The following MYLK4 variants were observed in gnomAD, a reference collection of about 807,000 sequenced individuals.
MYLK4 encodes the protein caMLCK like.
A neutral mutation model predicts 48.1 loss-of-function variants in MYLK4; 46 were observed. That is an observed-to-expected ratio of 0.96 (90% CI 0.75 to 1.22). The LOEUF (loss-of-function observed/expected upper bound fraction) is 1.22, where lower values mean the gene tolerates loss of function less well. Among genes scored for constraint, MYLK4 ranks in the 50% most tolerant of loss-of-function variants. The probability of loss-of-function intolerance (pLI) is 0.00; values close to 1 mark genes in which losing one functional copy is unlikely to be tolerated. For missense variants in MYLK4, 451 were observed against 486.1 expected (o/e 0.93, Z 0.68); for synonymous variants, 170 against 180.8 (o/e 0.94, Z 0.48).
intron 2 of MYLK4, among the ~76,000 whole-genome samples, chr6:2,697,249 A>G (rs556997505): frequency 6.6e-6 from 1 of 152,336 alleles, no homozygotes; most frequent in African/African-American, 2.4e-5. Context: ...TGTGTTTTGG[A>G]GCAGGATCAT....
chr6:2,684,675 ATGTG>A (rs1761458489), intron 6 of MYLK4, among the ~76,000 whole-genome samples: 1 of 152,234 alleles, frequency 6.6e-6, no homozygotes. Context: ...ACAACTGTAT[ATGTG>A]GCATTTACAG....
rs375622937 is a variant in MYLK4, at chr6:2,671,279, C to G, written c.*22G>C. 1 of 1,612,492 alleles carries G rather than the reference C, an allele frequency of 6.2e-7. No individual in the cohort carries two copies. Among genetic ancestry groups the G allele is most frequent in the Non-Finnish European group, 8.5e-7 (1 of 1,178,808 alleles). On this transcript the variant is annotated 3_prime_UTR_variant, in exon 12 of 13. Coordinates refer to ENST00000274643, the MANE Select transcript of MYLK4 (RefSeq NM_001012418.5). ...CTTCAGGAGACCCAAGACTAACCTT[C>G]CAAATGGCTGCCTCCTGTAGACTAT...
intron 2 of MYLK4, among the ~76,000 whole-genome samples, chr6:2,727,647 C>CTCA (rs767421052): frequency 3.3e-5 from 5 of 152,086 alleles, no homozygotes; most frequent in Non-Finnish European, 7.4e-5. Flanking sequence ...CGGTTCATAT[C>CTCA]TCATCATCAT....
At chr6:2,680,316 G>A (rs376552024) in intron 7 of MYLK4, 25 bp from the exon 8 acceptor site, 2 of 1,613,130 alleles carry the variant, frequency 1.2e-6, no homozygotes, top group African/African-American at 2.7e-5. Context: ...AGACACATTA[G>A]CAATGAAAAC....
At chr6:2,709,228 C>T (rs1033764424) in intron 2 of MYLK4, among the ~76,000 whole-genome samples, 4 of 152,210 alleles carry the variant, frequency 2.6e-5, no homozygotes, top group African/African-American at 7.2e-5. Flanking sequence ...TATCACACAA[C>T]GATGAGCAGA....
At chr6:2,688,058 C>CT (rs534105075) in intron 4 of MYLK4, among the ~76,000 whole-genome samples, 3 of 127,472 alleles carry the variant, frequency 2.4e-5, no homozygotes, top group African/African-American at 2.8e-5. Context: ...TTTTTCTTTT[C>CT]TTTTTTTTTC....
Position 2,685,712 on chromosome 6 carries a change from G to C in MYLK4, c.342-136C>G, listed in dbSNP as rs1761513949. 1.4e-6 allele frequency: 1 copy of C among 692,198 alleles called. No homozygotes were observed. Among genetic ancestry groups the C allele is most frequent in the Admixed American group, 2.6e-5 (1 of 39,068 alleles). 42.9% of individuals were successfully genotyped at this position (692,198 alleles called of 1,614,324 possible). On this transcript the variant is annotated intron_variant, in intron 4 of 12. Transcript: ENST00000274643. The surrounding 1 kb of genome is among the most constrained non-coding windows in gnomAD (Gnocchi z 4.5). ...GAGGAGTTCTTTCAGTAAACTTCTA[G>C]AGCAGTATTTGTCAACATGTGGTGT...
At chr6:2,681,855 G>A (rs1188905424) in intron 7 of MYLK4, among the ~76,000 whole-genome samples, 3 of 152,204 alleles carry the variant, frequency 2.0e-5, no homozygotes, top group Non-Finnish European at 4.4e-5. Context: ...CAATAGGTTT[G>A]CTCCTAGTTC....
intron 2 of MYLK4, among the ~76,000 whole-genome samples, chr6:2,737,595 A>G (rs1027991560): frequency 6.6e-6 from 1 of 152,206 alleles, no homozygotes; most frequent in African/African-American, 2.4e-5. Context: ...AATCATGTGC[A>G]GAATTTGGTA....
chr6:2,668,273 T>A (rs1760740168), intron 12 of MYLK4, among the ~76,000 whole-genome samples: 1 of 152,162 alleles, frequency 6.6e-6, no homozygotes. Context: ...GTCAGCTTGA[T>A]CCCAGCATCA....
At chr6:2,746,262 G>A (rs571904840) in intron 2 of MYLK4, among the ~76,000 whole-genome samples, 1,743 of 148,704 alleles carry the variant, frequency 0.012, 17 homozygotes, top group Non-Finnish European at 0.02. Context: ...GCAAGACTCC[G>A]TCTCAAAAAA....
the MYLK4 span, among the ~76,000 whole-genome samples, chr6:2,765,225 C>T: frequency 1.5e-5 from 2 of 130,286 alleles, no homozygotes; most frequent in Non-Finnish European, 3.2e-5. Context: ...AGGCTGTTCT[C>T]AGAGTCGGAA....
chr6:2,735,772 T>C (rs1763648803), intron 2 of MYLK4, among the ~76,000 whole-genome samples: 1 of 152,198 alleles, frequency 6.6e-6, no homozygotes, highest in African/African-American at 2.4e-5. Context: ...GATTTAAATC[T>C]GGCCTTGAAG....
intron 2 of MYLK4, among the ~76,000 whole-genome samples, chr6:2,728,660 T>C (rs1468053265): frequency 6.6e-6 from 1 of 152,228 alleles, no homozygotes; most frequent in African/African-American, 2.4e-5. Flanking sequence ...GGGAGGCCCG[T>C]GGAGGCCACA....
the MYLK4 span, among the ~76,000 whole-genome samples, chr6:2,762,320 A>T: frequency 6.6e-6 from 1 of 152,230 alleles, no homozygotes; most frequent in Non-Finnish European, 1.5e-5. Flanking sequence ...TCTACTGTCT[A>T]ATCTTGAAAC....
intron 2 of MYLK4, among the ~76,000 whole-genome samples, chr6:2,714,528 T>C (rs1454891519): frequency 1.3e-5 from 2 of 152,266 alleles, no homozygotes; most frequent in Non-Finnish European, 2.9e-5. Flanking sequence ...CCTTGAATTC[T>C]TTCCTGGGCA....
At chr6:2,756,024 T>C in the MYLK4 span, among the ~76,000 whole-genome samples, 1 of 152,232 alleles carries the variant, frequency 6.6e-6, no homozygotes, top group Admixed American at 6.5e-5. Flanking sequence ...CTAACCCTTT[T>C]ATTTTTGTGA....
chr6:2,765,182 AC>A, the MYLK4 span, among the ~76,000 whole-genome samples: 11,845 of 72,464 alleles, frequency 0.16, 619 homozygotes, highest in East Asian at 0.34. Flanking sequence ...TCGCCTCGCA[AC>A]CCCCCCCCCC....
intron 2 of MYLK4, among the ~76,000 whole-genome samples, chr6:2,694,783 G>C (rs939069946): frequency 1.3e-5 from 2 of 151,962 alleles, no homozygotes; most frequent in Admixed American, 1.3e-4. Context: ...TAGCCCCATC[G>C]TACAAATGAA....
Sources: gnomAD v4.1 joint callset for allele counts (sites outside exome capture counted in the v4.1 genomes callset) on GRCh38, gnomAD v4.1.1 for gene constraint, Gnocchi (gnomAD v3.1) non-coding constraint, MANE v1.5 for transcripts, NCBI Gene and HGNC (gene_info 2026-07-23, HGNC 2026-07-21) for gene names.